The following TYW1 variants were observed in gnomAD, a reference collection of about 807,000 sequenced individuals.
TYW1 encodes tRNA-yW synthesizing protein 1 homolog, also known as S-adenosyl-L-methionine-dependent tRNA 4-demethylwyosine synthase TYW1.
Under a neutral mutation model 96.2 loss-of-function variants are expected in TYW1, and 46 were observed. The ratio of observed to expected loss-of-function variants is 0.48; its 90% CI spans 0.38 to 0.61. The LOEUF (loss-of-function observed/expected upper bound fraction) is 0.61. Ranked by LOEUF, TYW1 falls within the 20% of genes least tolerant of loss-of-function variation. The probability of loss-of-function intolerance (pLI) is 0.00; values close to 1 mark genes in which losing one functional copy is unlikely to be tolerated. For missense variants in TYW1, 684 were observed against 909.6 expected (o/e 0.75, Z 3.19); for synonymous variants, 274 against 323.0 (o/e 0.85, Z 1.63).
chr7:67,183,971 G>A (rs1799921938), intron 14 of TYW1, among the ~76,000 whole-genome samples: 1 of 152,058 alleles, frequency 6.6e-6, no homozygotes, highest in Admixed American at 6.6e-5. Flanking sequence ...GGGACTAGAG[G>A]TGCACGCCAC....
chr7:67,009,166 C>T (rs919929903), intron 3 of TYW1, among the ~76,000 whole-genome samples: 2 of 152,116 alleles, frequency 1.3e-5, no homozygotes, highest in Non-Finnish European at 2.9e-5. Context: ...TGTGCCATCA[C>T]ACCTGGCTAA....
chr7:67,020,072 G>A (rs1254674984), intron 6 of TYW1, among the ~76,000 whole-genome samples: 1 of 152,286 alleles, frequency 6.6e-6, no homozygotes, highest in Non-Finnish European at 1.5e-5. Flanking sequence ...CAGGTTATGG[G>A]TCCCATAAGT....
chr7:67,076,988 G>T (rs1196265265), intron 10 of TYW1, among the ~76,000 whole-genome samples: 2 of 151,802 alleles, frequency 1.3e-5, no homozygotes, highest in Non-Finnish European at 2.9e-5. Flanking sequence ...TGGCCAGGCT[G>T]GCTTCAAACT....
At chr7:67,079,524 G>C (rs1182968957) in intron 10 of TYW1, among the ~76,000 whole-genome samples, 1 of 150,188 alleles carries the variant, frequency 6.7e-6, no homozygotes, top group Admixed American at 6.6e-5. Context: ...ATGGTTTGTC[G>C]ATGTTTATCT....
chr7:67,208,408 A>G lies in TYW1; in HGVS notation c.1977+13071A>G, dbSNP rs1292340363. Among the ~76,000 whole-genome samples, 7 of 150,562 alleles carry G rather than the reference A, an allele frequency of 4.6e-5. No individual in the cohort carries two copies. The Admixed American group carries it at 4.6e-4, about 10-fold the overall frequency. Reference sequence around the variant, plus strand: ...GTGATTCTTTTAAAAAAAACCCACAACCATCGGGCGCGGTGGCTTACGCCT... The same window carrying G: ...GTGATTCTTTTAAAAAAAACCCACAGCCATCGGGCGCGGTGGCTTACGCCT... On this transcript the variant is annotated intron_variant, in intron 15 of 15. Transcript: ENST00000359626.
intron 4 of TYW1, among the ~76,000 whole-genome samples, chr7:67,010,024 C>T (rs540304663): frequency 1.2e-3 from 187 of 151,302 alleles, no homozygotes; most frequent in African/African-American, 4.2e-3. Flanking sequence ...ACTATGTCAC[C>T]CAGGCTGGAG....
chr7:67,099,252 G>T (rs1032076753), intron 12 of TYW1, among the ~76,000 whole-genome samples: 3 of 151,980 alleles, frequency 2.0e-5, no homozygotes, highest in African/African-American at 7.2e-5. Flanking sequence ...AACTGGTCTT[G>T]AACTCCTTAC....
chr7:67,162,148 A>C (rs1297822947), intron 13 of TYW1, among the ~76,000 whole-genome samples: 2 of 151,734 alleles, frequency 1.3e-5, no homozygotes, highest in East Asian at 1.9e-4. Flanking sequence ...TACAAAAAAA[A>C]CAAAAAAACA....
At position 67,238,540 on chromosome 7, in the gene TYW1, T is replaced by C. The variant is rs1435688471; in HGVS notation, c.*11T>C. 1.9e-6 allele frequency: 3 copies of C among 1,607,562 alleles called. No individual in the cohort carries two copies. The highest frequency in any genetic ancestry group is 2.5e-6 in the Non-Finnish European group (3 of 1,177,196). ...ATTTCTGGATGTTGAGATTATCTGA[T>C]TTCAAGGTACTGAAGGACAAAAACT... is the stretch of plus-strand genomic sequence containing the variant. On this transcript the variant is annotated 3_prime_UTR_variant, in exon 16 of 16. Coordinates refer to ENST00000359626, the MANE Select transcript of TYW1 (RefSeq NM_018264.4).
At chr7:67,087,230 G>A (rs963545928) in intron 11 of TYW1, among the ~76,000 whole-genome samples, 5 of 152,184 alleles carry the variant, frequency 3.3e-5, no homozygotes, top group African/African-American at 1.2e-4. Context: ...AGTTCCGTGA[G>A]CACGTGTTTT....
chr7:67,051,746 T>C (rs919273876), intron 8 of TYW1, among the ~76,000 whole-genome samples: 2 of 151,738 alleles, frequency 1.3e-5, no homozygotes, highest in Admixed American at 6.6e-5. Context: ...TTTTTTTTTT[T>C]TCTAATTTAA....
chr7:67,238,940 T>C lies in TYW1; in HGVS notation c.*411T>C, dbSNP rs966436860. 193 of 1,039,330 alleles carry C rather than the reference T, an allele frequency of 1.9e-4. No individual in the cohort carries two copies. The highest frequency in any genetic ancestry group is 2.1e-4 in the Non-Finnish European group (179 of 860,214). 64.4% of individuals were successfully genotyped at this position (1,039,330 alleles called of 1,614,324 possible). A position where few individuals can be genotyped will look rare whatever the true frequency, so the allele number is the denominator to read the frequency against. ...GATTTCATGGAGCAGCCACTTAGCA[T>C]TGAATTGCACTACCCTGAGCTAAAC... On this transcript the variant is annotated 3_prime_UTR_variant, in exon 16 of 16. Transcript: ENST00000359626.
At chr7:67,070,212 A>T (rs1013770072) in intron 10 of TYW1, among the ~76,000 whole-genome samples, 3 of 152,146 alleles carry the variant, frequency 2.0e-5, no homozygotes, top group African/African-American at 7.2e-5. Context: ...CTTGGTATGG[A>T]TCTCTTTGTG....
chr7:67,122,363 AT>A (rs1797784988), intron 13 of TYW1, among the ~76,000 whole-genome samples: 1 of 152,234 alleles, frequency 6.6e-6, no homozygotes, highest in Admixed American at 6.5e-5. Flanking sequence ...CCTCTATCTA[AT>A]ATTTAAATAA....
intron 13 of TYW1, among the ~76,000 whole-genome samples, chr7:67,154,176 C>T (rs1181586379): frequency 1.3e-5 from 2 of 152,170 alleles, no homozygotes; most frequent in African/African-American, 2.4e-5. Context: ...CCTGCCTTGG[C>T]CTGCCAAAGT....
At chr7:67,127,455 C>T (rs113584275) in intron 13 of TYW1, among the ~76,000 whole-genome samples, 2,628 of 152,154 alleles carry the variant, frequency 0.017, 74 homozygotes, top group African/African-American at 0.06. Flanking sequence ...CCACTGTGCC[C>T]GGCCTCCTTA....
chr7:67,214,105 A>C (rs1338101980), intron 15 of TYW1, among the ~76,000 whole-genome samples: 1 of 152,214 alleles, frequency 6.6e-6, no homozygotes, highest in African/African-American at 2.4e-5. Flanking sequence ...TTTGGGAAAA[A>C]CTGACAGCTA....
At chr7:67,167,593 A>G (rs1188478150) in intron 13 of TYW1, among the ~76,000 whole-genome samples, 1 of 151,454 alleles carries the variant, frequency 6.6e-6, no homozygotes, top group African/African-American at 2.4e-5. Context: ...TAAAGTCATT[A>G]AAATGGGGAT....
chr7:67,008,528 TGTA>T (rs1304590523), intron 3 of TYW1, among the ~76,000 whole-genome samples: 1 of 152,196 alleles, frequency 6.6e-6, no homozygotes, highest in Non-Finnish European at 1.5e-5. Context: ...CATCTTTTGT[TGTA>T]GTGGCTGCTC....
Sources: allele counts gnomAD v4.1 joint callset (sites outside exome capture counted in the v4.1 genomes callset), GRCh38; gene constraint gnomAD v4.1.1; transcripts MANE v1.5; gene names NCBI Gene and HGNC (gene_info 2026-07-23, HGNC 2026-07-21).